Variants in TOR3A observed in about 807,000 individuals in gnomAD.
The protein encoded by TOR3A is torsin family 3 member A, also known as torsin-3A.
A neutral mutation model predicts 42.1 loss-of-function variants in TOR3A; 44 were observed. The observed-to-expected ratio is 1.04, with a 90% CI of 0.82 to 1.34. The LOEUF is 1.34. Ranked by LOEUF, TOR3A falls within the 40% of genes most tolerant of loss-of-function variation. TOR3A has a pLI of 0.00. For missense variants in TOR3A, 521 were observed against 507.6 expected, an observed-to-expected ratio of 1.03 and a Z score of -0.25; for synonymous variants, 227 against 213.2, an observed-to-expected ratio of 1.06 and a Z score of -0.57.
chr1:179,082,387 G>A lies in TOR3A; in HGVS notation c.259G>A (p.Gly87Ser). 2 of 1,600,316 alleles carry A rather than the reference G, an allele frequency of 1.2e-6. No homozygotes were observed. The highest frequency in any genetic ancestry group is 1.7e-6 in the Non-Finnish European group (2 of 1,175,554). Residue 87 changes from glycine (G) to serine (S), a missense_variant and splice_region_variant, in exon 1 of 6, where the codon GGC (glycine) becomes AGC (serine). Physicochemically the swap from Gly to Ser is moderately conservative, Grantham distance 56. Coordinates refer to ENST00000367627, the MANE Select transcript of TOR3A (RefSeq NM_022371.4). The stretch of plus-strand genomic sequence containing the variant: ...CGAGGAGGCAGCCACGGGGCCCCTG[G>A]GTAAGACCCCGTCCCCACGGTCCGC... The part of the protein sequence containing the change: ...EDEEAATGPL[G>S]WRLPLLGQRY...
intron 1 of TOR3A, 140 bp from the exon 2 acceptor site, chr1:179,082,800 A>C (rs1443170170): frequency 2.8e-6 from 2 of 724,562 alleles, no homozygotes; most frequent in East Asian, 2.7e-5. Context: ...GAGGACCGAC[A>C]GTGGGCCGAG....
In TOR3A at chr1:179,095,216, T is replaced by G. The variant is rs763733477; in HGVS notation, c.1192T>G (p.Ter398GlyextTer14). The G allele has an allele frequency of 6.2e-7, 1 of 1,614,018 alleles. No individual in the cohort carries two copies. The highest frequency in any genetic ancestry group is 1.1e-5 in the South Asian group (1 of 91,078). The change falls in exon 6 of 6, where the codon TGA becomes GGA. Residue 398 changes from the stop codon to glycine (G), a stop_lost. Coordinates refer to ENST00000367627, the MANE Select transcript of TOR3A (RefSeq NM_022371.4). ...ISQRINYFLS[*>G] Reference sequence around the variant, plus strand: ...CCAGAGGATTAACTACTTCCTGTCATGAAGGCTAGAGGAAGACTTCCTGGA... The same window carrying G: ...CCAGAGGATTAACTACTTCCTGTCAGGAAGGCTAGAGGAAGACTTCCTGGA...
intron 4 of TOR3A, among the ~76,000 whole-genome samples, chr1:179,088,715 T>C (rs1315346951): frequency 6.6e-6 from 1 of 152,238 alleles, no homozygotes; most frequent in Admixed American, 6.5e-5. Context: ...ACCCAGTCAC[T>C]GAATCACTGC....
At chr1:179,089,295 T>C (rs1241079331) in intron 4 of TOR3A, among the ~76,000 whole-genome samples, 3 of 144,528 alleles carry the variant, frequency 2.1e-5, no homozygotes, top group Non-Finnish European at 4.5e-5. Context: ...CACTCCCGCC[T>C]GGGCAACAAG....
intron 4 of TOR3A, among the ~76,000 whole-genome samples, chr1:179,090,435 G>A (rs1572576212): frequency 6.6e-6 from 1 of 152,226 alleles, no homozygotes; most frequent in African/African-American, 2.4e-5. Flanking sequence ...TTTCTATAAT[G>A]AGCTTCAGTT....
Position 179,082,363 on chromosome 1 carries a change from G to A in TOR3A, c.235G>A (p.Glu79Lys), listed in dbSNP as rs1188151792. 3 of 1,606,686 alleles carry A rather than the reference G, an allele frequency of 1.9e-6. No homozygotes were observed. The highest frequency in any genetic ancestry group is 1.1e-5 in the South Asian group (1 of 90,664). Residue 79 changes from glutamate (E) to lysine (K), a missense_variant, in exon 1 of 6, where the codon GAG becomes AAG. Coordinates refer to ENST00000367627, the MANE Select transcript of TOR3A (RefSeq NM_022371.4). ...GTGGCCCGACGACTGTGACGAGGACGAGGAGGCAGCCACGGGGCCCCTGGG... is the reference window on the plus strand; with the variant it reads ...GTGGCCCGACGACTGTGACGAGGACAAGGAGGCAGCCACGGGGCCCCTGGG... ...QVWPDDCDED[E>K]EAATGPLGWR...
rs147623031 is a variant in TOR3A at position 179,084,661 on chromosome 1, T to C, written c.374-967T>C. On this transcript the variant is annotated intron_variant, in intron 2 of 5. Coordinates refer to ENST00000367627, the MANE Select transcript of TOR3A (RefSeq NM_022371.4). Reference sequence around the variant, plus strand: ...ATTTTCTTCTATGTCACTACTACTTTTGGAGCAATGTGTGATGCCCTCAAT... The same window carrying C: ...ATTTTCTTCTATGTCACTACTACTTCTGGAGCAATGTGTGATGCCCTCAAT... 6.7e-3 allele frequency among the ~76,000 whole-genome samples: 1,025 copies of C among 152,358 alleles called. 14 individuals are homozygous for C. Among genetic ancestry groups the C allele is most frequent in the African/African-American group, 0.023 (945 of 41,590 alleles).
chr1:179,082,117 T>A lies in TOR3A; in HGVS notation c.-12T>A. 6.8e-7 allele frequency: 1 copy of A among 1,472,480 alleles called. No individual in the cohort carries two copies. The highest frequency in any genetic ancestry group is 8.9e-7 in the Non-Finnish European group (1 of 1,123,812). The allele number at this position is 1,472,480 out of a possible 1,614,324, so 91.2% of individuals were successfully genotyped here. On this transcript the variant is annotated 5_prime_UTR_variant, in exon 1 of 6. Transcript: ENST00000367627. ...GCCGGCAGCCGGATGGTCCCGCAGC[T>A]CGGGGCCGGCCATGCTTCGCGGTCC...
chr1:179,082,619 C>G, intron 1 of TOR3A: 1 of 713,058 alleles, frequency 1.4e-6, no homozygotes, highest in Non-Finnish European at 2.5e-6. Flanking sequence ...GCTTCCCGTC[C>G]CCCGCCTCCC....
intron 5 of TOR3A, 45 bp downstream of exon 5, chr1:179,094,262 T>C (rs759769352): frequency 6.3e-7 from 1 of 1,582,248 alleles, no homozygotes; most frequent in Non-Finnish European, 8.6e-7. Context: ...CCACAGCTGG[T>C]GATAATTAAT....
At chr1:179,082,460 C>T (rs1652316202) in intron 1 of TOR3A, 73 bp downstream of exon 1, 1 of 1,503,378 alleles carries the variant, frequency 6.7e-7, no homozygotes, top group Non-Finnish European at 8.8e-7. Flanking sequence ...GTGGTCGCCT[C>T]GCTCCTGTCC....
At chr1:179,090,106 C>CGGGG (rs1454052216) in intron 4 of TOR3A, among the ~76,000 whole-genome samples, 1 of 17,626 alleles carries the variant, frequency 5.7e-5, no homozygotes, top group African/African-American at 3.1e-4. Context: ...TGGTTGTGGG[C>CGGGG]GGGGTGGGGG....
chr1:179,093,786 G>A (rs541590357), intron 4 of TOR3A, among the ~76,000 whole-genome samples: 4 of 152,246 alleles, frequency 2.6e-5, no homozygotes, highest in East Asian at 1.9e-4. Context: ...CCGAATACAC[G>A]GATGCCCCTC....
intron 4 of TOR3A, 156 bp downstream of exon 4, chr1:179,088,245 C>T (rs909684377): frequency 1.5e-5 from 12 of 795,026 alleles, no homozygotes; most frequent in South Asian, 5.4e-5. Flanking sequence ...TGGTAGCTCA[C>T]GCCTGTAATC....
chr1:179,082,939 G>T lies in TOR3A; in HGVS notation c.260-1G>T. The T allele has an allele frequency of 6.4e-7, 1 of 1,560,984 alleles. No individual in the cohort carries two copies. The highest frequency in any genetic ancestry group is 8.7e-7 in the Non-Finnish European group (1 of 1,152,980). On this transcript the variant is annotated splice_acceptor_variant, in intron 1 of 5. Transcript: ENST00000367627. LOFTEE classifies it high-confidence loss of function. ...CGGTCTCACAGCTCCTCCTTTTCCA[G>T]GCTGGCGCCTTCCTCTGTTGGGCCA...
chr1:179,085,524 C>T (rs1652406947), intron 2 of TOR3A, 104 bp from the exon 3 acceptor site: 8 of 1,442,458 alleles, frequency 5.5e-6, no homozygotes, highest in Admixed American at 1.9e-5. Context: ...TAACTGATTC[C>T]ACCCGAGAGA....
intron 2 of TOR3A, chr1:179,085,427 A>AC: frequency 1.6e-6 from 1 of 622,592 alleles, no homozygotes; most frequent in Non-Finnish European, 2.8e-6. Flanking sequence ...CATCTCAAAA[A>AC]AAAAAAAAAA....
chr1:179,090,314 T>C (rs1470366488), intron 4 of TOR3A, among the ~76,000 whole-genome samples: 1 of 152,342 alleles, frequency 6.6e-6, no homozygotes, highest in Admixed American at 6.5e-5. Context: ...TGGGCTGACA[T>C]AGTCTGTGCC....
intron 3 of TOR3A, 49 bp downstream of exon 3, chr1:179,085,942 C>T (rs932612479): frequency 7.6e-6 from 12 of 1,583,594 alleles, no homozygotes; most frequent in Middle Eastern, 1.9e-4. Flanking sequence ...GGAGGGAGAC[C>T]CTTCTGCCAG....
Sources: gnomAD v4.1 joint callset for allele counts (sites outside exome capture counted in the v4.1 genomes callset) on GRCh38, gnomAD v4.1.1 for gene constraint, MANE v1.5 for transcripts, NCBI Gene and HGNC (gene_info 2026-07-23, HGNC 2026-07-21) for gene names.